Variants in SRGAP2 observed in about 807,000 individuals in gnomAD.
The protein encoded by SRGAP2 is SLIT-ROBO Rho GTPase-activating protein 2.
A neutral mutation model predicts 57.2 loss-of-function variants in SRGAP2; 15 were observed. The observed-to-expected ratio is 0.26, with a 90% confidence interval of 0.18 to 0.40. SRGAP2 has a LOEUF of 0.40. Among genes scored for constraint, SRGAP2 ranks in the 10% least tolerant of loss-of-function variants. SRGAP2 has a pLI of 1.00. For missense variants in SRGAP2, 520 were observed against 669.6 expected (o/e 0.78, Z 2.47); for synonymous variants, 249 against 248.0 (o/e 1.00, Z -0.04).
chr1:206,374,308 G>C lies in SRGAP2; in HGVS notation c.424-9706G>C, dbSNP rs569346346. ...TGGGATTACAGGCGTGAGCCACCGC[G>C]CCCGGCCAGATACACATTCTTTTCA... is the stretch of plus-strand genomic sequence containing the variant. On this transcript the variant is annotated intron_variant, in intron 4 of 22. Coordinates refer to ENST00000573034, the MANE Select transcript of SRGAP2 (RefSeq NM_015326.5). Among the ~76,000 whole-genome samples the C allele has an allele frequency of 6.0e-5, 9 of 150,370 alleles. No individual in the cohort carries two copies. The South Asian group carries it at 1.7e-3, about 28-fold the overall frequency.
At chr1:206,371,736 A>AAAAAG (rs1654575435) in intron 4 of SRGAP2, among the ~76,000 whole-genome samples, 1 of 76,886 alleles carries the variant, frequency 1.3e-5, no homozygotes. Flanking sequence ...GTCTCCAAAA[A>AAAAAG]AAAAAAGAAA....
At chr1:206,426,153 A>G (rs1279952665) in intron 13 of SRGAP2, among the ~76,000 whole-genome samples, 1 of 152,156 alleles carries the variant, frequency 6.6e-6, no homozygotes, top group Non-Finnish European at 1.5e-5. Context: ...CAGTCTCCAG[A>G]AACCGTCATT....
rs1664054307 is a variant in SRGAP2, at chr1:206,458,954, G to C, written c.2832+7G>C. On this transcript the variant is annotated splice_region_variant and intron_variant, in intron 22 of 22. Transcript: ENST00000573034. ...CCCTGAGGTCATTGCTCAGGTAACT[G>C]TGGGCTCCTGGACAGACAGCATGAG... 1.3e-6 allele frequency: 1 copy of C among 756,048 alleles called. No individual in the cohort carries two copies. The highest frequency in any genetic ancestry group is 2.5e-5 in the East Asian group (1 of 40,302). 46.8% of individuals were successfully genotyped at this position (756,048 alleles called of 1,614,324 possible).
chr1:206,334,894 T>C (rs1315185842), intron 3 of SRGAP2, among the ~76,000 whole-genome samples: 2 of 150,466 alleles, frequency 1.3e-5, no homozygotes, highest in Non-Finnish European at 2.9e-5. Flanking sequence ...TAATTACTTA[T>C]AGGGCTTCTG....
intron 2 of SRGAP2, among the ~76,000 whole-genome samples, chr1:206,260,646 G>A (rs1232124283): frequency 6.6e-6 from 1 of 152,116 alleles, no homozygotes; most frequent in Non-Finnish European, 1.5e-5. Context: ...TTTCCTTGTT[G>A]GTACAGAGAA....
In SRGAP2 at chr1:206,458,680, T is replaced by C; in HGVS notation, c.2565T>C (p.His855=). ...GGAAAACTTTTCGGAGTGACAGCCA[T>C]GGGCTGAGCAGTTCCCTGACTGACT... ...SIRKTFRSDS[H]GLSSSLTDSS... is the part of the protein sequence containing the mutation. The change falls in exon 22 of 23, where the codon CAT becomes CAC. Residue 855 remains histidine, a synonymous_variant. Coordinates refer to ENST00000573034, the MANE Select transcript of SRGAP2 (RefSeq NM_015326.5). The C allele has an allele frequency of 1.3e-6, 1 of 778,574 alleles. No individual in the cohort carries two copies. Among genetic ancestry groups the C allele is most frequent in the Admixed American group, 1.7e-5 (1 of 58,734 alleles). 48.2% of individuals were successfully genotyped at this position (778,574 alleles called of 1,614,324 possible).
Position 206,327,267 on chromosome 1 carries a change from C to T in SRGAP2, c.261-15579C>T, listed in dbSNP as rs548115373. Among the ~76,000 whole-genome samples the T allele has an allele frequency of 1.5e-4, 23 of 150,810 alleles. No individual in the cohort carries two copies. The East Asian group carries it at 1.6e-3, about 10-fold the overall frequency. Reference sequence around the variant, plus strand: ...GCTTGAACCCAGGAGGCGGAGGTTGCGGTGAGCCGAGATCACACCATTGCA... The same window carrying T: ...GCTTGAACCCAGGAGGCGGAGGTTGTGGTGAGCCGAGATCACACCATTGCA... On this transcript the variant is annotated intron_variant, in intron 3 of 22. Transcript: ENST00000573034.
chr1:206,351,080 TGA>T (rs1558336207), intron 4 of SRGAP2, among the ~76,000 whole-genome samples: 1 of 152,224 alleles, frequency 6.6e-6, no homozygotes, highest in Non-Finnish European at 1.5e-5. Context: ...CCATTTGGAC[TGA>T]GATAGGATTT....
At position 206,211,045 on chromosome 1, in the gene SRGAP2, T is replaced by C. The variant is rs537260963; in HGVS notation, c.67+5008T>C. Among the ~76,000 whole-genome samples the C allele has an allele frequency of 4.5e-4, 69 of 152,212 alleles. No homozygotes were observed. The East Asian group carries it at 0.012, about 26-fold the overall frequency. On this transcript the variant is annotated intron_variant, in intron 2 of 22. Coordinates refer to ENST00000573034, the MANE Select transcript of SRGAP2 (RefSeq NM_015326.5). ...CAAGGAGCCAGGGGATGCAGTGTAC[T>C]GTGCAAAGAAGCAGTAGTTGGAAAC...
chr1:206,236,979 C>T (rs1553308276), intron 2 of SRGAP2, among the ~76,000 whole-genome samples: 1 of 141,172 alleles, frequency 7.1e-6, no homozygotes, highest in Non-Finnish European at 1.5e-5. Context: ...CAGTCTCAGC[C>T]TCCTGAGTAG....
At position 206,290,126 on chromosome 1, in the gene SRGAP2, G is replaced by GC. The variant is rs1450322409; in HGVS notation, c.68-13153dup. 4.6e-5 allele frequency among the ~76,000 whole-genome samples: 7 copies of GC among 151,530 alleles called. No homozygotes were observed. In the East Asian group the frequency reaches 9.7e-4, roughly 21 times the overall value. The stretch of plus-strand genomic sequence containing the variant: ...CTAAATCATGAAAGCAAATTAGTGA[G>GC]CCACAACCAGCATTTAAAAAGTTAT... On this transcript the variant is annotated intron_variant, in intron 2 of 22. Coordinates refer to ENST00000573034, the MANE Select transcript of SRGAP2 (RefSeq NM_015326.5).
chr1:206,213,970 A>C (rs1553302853), intron 2 of SRGAP2, among the ~76,000 whole-genome samples: 1 of 151,998 alleles, frequency 6.6e-6, no homozygotes, highest in African/African-American at 2.4e-5. Flanking sequence ...AACTAGTCCT[A>C]GGGCCTCATG....
intron 2 of SRGAP2, among the ~76,000 whole-genome samples, chr1:206,229,552 C>T (rs1252641122): frequency 2.0e-5 from 3 of 151,992 alleles, no homozygotes; most frequent in Admixed American, 6.6e-5. Context: ...ATAGGAATGG[C>T]GGACATAATC....
chr1:206,460,772 A>G (rs1553380185), intron 22 of SRGAP2, among the ~76,000 whole-genome samples: 1 of 152,104 alleles, frequency 6.6e-6, no homozygotes, highest in African/African-American at 2.4e-5. Flanking sequence ...AAGTATTTCA[A>G]TATCTATCTC....
intron 2 of SRGAP2, among the ~76,000 whole-genome samples, chr1:206,216,474 G>C (rs1666649946): frequency 6.7e-6 from 1 of 149,460 alleles, no homozygotes; most frequent in African/African-American, 2.5e-5. Flanking sequence ...GTTAAAACTG[G>C]GTTGACCTGA....
chr1:206,231,193 AC>A (rs1478455992), intron 2 of SRGAP2, among the ~76,000 whole-genome samples: 7 of 151,402 alleles, frequency 4.6e-5, no homozygotes, highest in African/African-American at 1.7e-4. Context: ...GTACAAAACC[AC>A]CTATTGGGTA....
intron 11 of SRGAP2, among the ~76,000 whole-genome samples, chr1:206,416,711 C>T (rs1659734402): frequency 6.6e-6 from 1 of 152,142 alleles, no homozygotes; most frequent in Admixed American, 6.5e-5. Context: ...CTGCCCAACT[C>T]TCAGCATCCT....
chr1:206,455,120 G>A (rs548983022), intron 21 of SRGAP2, 96 bp downstream of exon 21: 14 of 769,780 alleles, frequency 1.8e-5, no homozygotes, highest in Non-Finnish European at 2.9e-5. Context: ...TGTGCTGCAC[G>A]TAGGGCTCCC....
rs529479408 is a variant in SRGAP2, at chr1:206,413,984, A to G, written c.1357-1905A>G. On this transcript the variant is annotated intron_variant, in intron 10 of 22. Transcript: ENST00000573034. ...AAAAGTTCACACTGTACAGAAAAGT[A>G]TAGAGTAAAAGTAACTCACATTTGT... 2.6e-5 allele frequency among the ~76,000 whole-genome samples: 4 copies of G among 152,082 alleles called. No individual in the cohort carries two copies. The South Asian group carries it at 6.2e-4, about 24-fold the overall frequency.
Sources: allele counts gnomAD v4.1 joint callset (sites outside exome capture counted in the v4.1 genomes callset), GRCh38; gene constraint gnomAD v4.1.1; transcripts MANE v1.5; gene names NCBI Gene and HGNC (gene_info 2026-07-23, HGNC 2026-07-21).